The following SV2C variants were observed in gnomAD, a reference collection of about 807,000 sequenced individuals.
SV2C encodes synaptic vesicle glycoprotein 2C.
A neutral mutation model predicts 79.7 loss-of-function variants in SV2C; 49 were observed. That is an observed-to-expected ratio of 0.61 (90% confidence interval 0.49 to 0.78). SV2C has a LOEUF of 0.78. SV2C is among the 30% of genes least tolerant of loss of function. SV2C has a pLI of 0.00. For missense variants in SV2C, 833 were observed against 912.9 expected, an observed-to-expected ratio of 0.91 and a Z score of 1.13; for synonymous variants, 334 against 333.2, an observed-to-expected ratio of 1.00 and a Z score of -0.03.
the SV2C span, among the ~76,000 whole-genome samples, chr5:76,010,613 G>C: frequency 6.6e-6 from 1 of 152,106 alleles, no homozygotes; most frequent in Non-Finnish European, 1.5e-5. Context: ...TAAGAGATCA[G>C]TTTAAGTTAT....
At chr5:75,964,769 T>C in the SV2C span, among the ~76,000 whole-genome samples, 6 of 152,252 alleles carry the variant, frequency 3.9e-5, no homozygotes, top group African/African-American at 7.2e-5. Flanking sequence ...TGTATTACTA[T>C]GAGTTTATTC....
In SV2C at chr5:76,329,178, A is replaced by G. The variant is rs1208009744; in HGVS notation, c.*3631A>G. The G allele has an allele frequency of 6.6e-6, 1 of 152,206 alleles. No individual in the cohort carries two copies. The highest frequency in any genetic ancestry group is 6.5e-5 in the Admixed American group (1 of 15,286). The allele number at this position is 152,206 out of a possible 1,614,324, so 9.4% of individuals were successfully genotyped here. ...TTGGGAAGCCCGCATGGAATAGGCC[A>G]GAAAGCACAGTCCCCATGCTGTCTG... On this transcript the variant is annotated 3_prime_UTR_variant, in exon 13 of 13. Transcript: ENST00000502798.
the SV2C span, among the ~76,000 whole-genome samples, chr5:75,918,081 C>A: frequency 1.3e-5 from 2 of 152,140 alleles, no homozygotes; most frequent in Non-Finnish European, 2.9e-5. Context: ...GCCATTTTAT[C>A]CAGTTTTCAG....
In SV2C at chr5:76,291,817, C is replaced by CT; in HGVS notation, c.1298_1299insT (p.Ile434AsnfsTer23). On this transcript the variant is annotated frameshift_variant, in exon 8 of 13. Coordinates refer to ENST00000502798, the MANE Select transcript of SV2C (RefSeq NM_014979.4). LOFTEE classifies it high-confidence loss of function. ...TTCAACTACCCAGTCAGGGATAATA[C>CT]AATAAAGCTTACAATTGTTTGGTTC... is the stretch of plus-strand genomic sequence containing the variant. 6.2e-7 allele frequency: 1 copy of CT among 1,610,828 alleles called. No individual in the cohort carries two copies. The highest frequency in any genetic ancestry group is 8.5e-7 in the Non-Finnish European group (1 of 1,178,182).
rs1561211551 is a variant in SV2C at position 76,091,679 on chromosome 5, AT to A, written c.-102+8168del. 4 of 152,084 alleles carry A rather than the reference AT, an allele frequency of 2.6e-5. No individual in the cohort carries two copies. The South Asian group carries it at 8.3e-4, about 32-fold the overall frequency. The allele number at this position is 152,084 out of a possible 1,614,324, so 9.4% of individuals were successfully genotyped here. On this transcript the variant is annotated intron_variant, in intron 1 of 12. Transcript: ENST00000502798. Reference sequence around the variant, plus strand: ...GGCCTCAAATTGCCTTTCACTCAGAATAAGCTTTCTATGAGACTTTTTTTTT... The same window carrying A: ...GGCCTCAAATTGCCTTTCACTCAGAAAAGCTTTCTATGAGACTTTTTTTTT...
At chr5:75,986,304 T>C in the SV2C span, among the ~76,000 whole-genome samples, 22 of 151,564 alleles carry the variant, frequency 1.5e-4, no homozygotes, top group Admixed American at 1.5e-3. Context: ...CCCTGAAAGA[T>C]GGATGCAGGA....
At chr5:76,305,112 G>A (rs191206459) in intron 12 of SV2C, among the ~76,000 whole-genome samples, 19 of 152,186 alleles carry the variant, frequency 1.2e-4, no homozygotes, top group Non-Finnish European at 2.5e-4. Context: ...TAGCTCACAG[G>A]AACTCACTCA....
chr5:75,964,768 A>C, the SV2C span, among the ~76,000 whole-genome samples: 2 of 152,202 alleles, frequency 1.3e-5, no homozygotes, highest in Non-Finnish European at 2.9e-5. Flanking sequence ...CTGTATTACT[A>C]TGAGTTTATT....
At chr5:76,224,061 A>G (rs1745169355) in intron 4 of SV2C, among the ~76,000 whole-genome samples, 1 of 152,178 alleles carries the variant, frequency 6.6e-6, no homozygotes, top group Non-Finnish European at 1.5e-5. Flanking sequence ...ATTGGGGGTT[A>G]GAGCTTCCAC....
chr5:75,869,491 A>G, the SV2C span, among the ~76,000 whole-genome samples: 1 of 152,192 alleles, frequency 6.6e-6, no homozygotes, highest in Non-Finnish European at 1.5e-5. Flanking sequence ...GCTGCAGTAA[A>G]ATAGAACACC....
chr5:75,896,068 T>C, the SV2C span, among the ~76,000 whole-genome samples: 1 of 151,862 alleles, frequency 6.6e-6, no homozygotes, highest in Non-Finnish European at 1.5e-5. Context: ...TTATTTTATT[T>C]TATTATTATT....
At chr5:75,956,444 A>C in the SV2C span, among the ~76,000 whole-genome samples, 9 of 150,956 alleles carry the variant, frequency 6.0e-5, no homozygotes, top group South Asian at 1.3e-3. Flanking sequence ...ATACCTAATG[A>C]GAGATGACGA....
intron 4 of SV2C, among the ~76,000 whole-genome samples, chr5:76,224,787 C>T (rs1392443126): frequency 6.6e-6 from 1 of 152,166 alleles, no homozygotes; most frequent in African/African-American, 2.4e-5. Context: ...AATTGTAGAG[C>T]TACCCATCTG....
At chr5:76,242,475 A>C (rs1745819868) in intron 4 of SV2C, 2 of 529,988 alleles carry the variant, frequency 3.8e-6, no homozygotes, top group Non-Finnish European at 7.1e-6. Context: ...GGCATGAACC[A>C]ATGCGCCCAG....
chr5:75,972,471 A>T, the SV2C span, among the ~76,000 whole-genome samples: 1 of 152,162 alleles, frequency 6.6e-6, no homozygotes, highest in Non-Finnish European at 1.5e-5. Flanking sequence ...GAACTCAAAC[A>T]AATTTACAAG....
At chr5:76,114,781 G>T (rs1223136462) in intron 1 of SV2C, among the ~76,000 whole-genome samples, 2 of 152,228 alleles carry the variant, frequency 1.3e-5, no homozygotes, top group Admixed American at 1.3e-4. Flanking sequence ...CGCCGGCTAG[G>T]GAAAGGCATG....
intron 4 of SV2C, among the ~76,000 whole-genome samples, chr5:76,284,258 CTTAT>C (rs1470185742): frequency 6.6e-6 from 1 of 151,516 alleles, no homozygotes; most frequent in East Asian, 1.9e-4. Context: ...TCCCATTATG[CTTAT>C]TTTTCTATTA....
chr5:76,201,072 T>C (rs114091155), intron 3 of SV2C, among the ~76,000 whole-genome samples: 1,765 of 152,354 alleles, frequency 0.012, 37 homozygotes, highest in African/African-American at 0.04. Flanking sequence ...CCAGCTGACA[T>C]ATTGTATATG....
chr5:76,334,145 C>T (rs1322463495), downstream of SV2C, among the ~76,000 whole-genome samples: 1 of 152,110 alleles, frequency 6.6e-6, no homozygotes, highest in Non-Finnish European at 1.5e-5. Context: ...CAACTGTTAG[C>T]CAGGACCAGT....
Sources: gnomAD v4.1 joint callset for allele counts (sites outside exome capture counted in the v4.1 genomes callset) on GRCh38, gnomAD v4.1.1 for gene constraint, MANE v1.5 for transcripts, NCBI Gene and HGNC (gene_info 2026-07-23, HGNC 2026-07-21) for gene names.